The following ZFHX3 variants were observed in gnomAD, a reference collection of about 807,000 sequenced individuals.
ZFHX3 encodes the protein zinc finger homeobox protein 3.
Under a neutral mutation model 279.1 loss-of-function variants are expected in ZFHX3, and 42 were observed. That is an observed-to-expected ratio of 0.15 (90% CI 0.12 to 0.19). The LOEUF is 0.19. ZFHX3 is among the 10% of genes least tolerant of loss of function. The pLI, the probability that ZFHX3 is intolerant of heterozygous loss-of-function variation, is 1.00. For synonymous variants in ZFHX3, 2,293 were observed against 1,957.8 expected (o/e 1.17, Z -4.52); for missense variants, 4,981 against 4,754.0 (o/e 1.05, Z -1.40).
intron 5 of ZFHX3, among the ~76,000 whole-genome samples, chr16:72,829,338 G>T (rs1162545125): frequency 1.3e-5 from 2 of 152,022 alleles, no homozygotes; most frequent in Non-Finnish European, 2.9e-5. Flanking sequence ...AAGAATCAGG[G>T]GTGACCCTGA....
chr16:73,434,339 A>G (rs2017961195), intron 3 of ZFHX3, among the ~76,000 whole-genome samples: 1 of 152,208 alleles, frequency 6.6e-6, no homozygotes, highest in Non-Finnish European at 1.5e-5. Flanking sequence ...GTGTTCCTCT[A>G]AGGAAACCAA....
At chr16:72,941,804 T>C (rs1960422021) in intron 3 of ZFHX3, among the ~76,000 whole-genome samples, 1 of 152,234 alleles carries the variant, frequency 6.6e-6, no homozygotes, top group African/African-American at 2.4e-5. Flanking sequence ...GTCGCCAGTA[T>C]TTCTATGAGT....
At chr16:73,716,897 A>G (rs1213951561) in intron 1 of ZFHX3, among the ~76,000 whole-genome samples, 1 of 151,948 alleles carries the variant, frequency 6.6e-6, no homozygotes, top group East Asian at 1.9e-4. Flanking sequence ...AAGCCCCGTC[A>G]TTATTTTTTT....
chr16:73,717,818 T>C (rs992980466), intron 1 of ZFHX3, among the ~76,000 whole-genome samples: 6 of 152,148 alleles, frequency 3.9e-5, no homozygotes, highest in African/African-American at 1.4e-4. Flanking sequence ...TTACGAGACA[T>C]TGTTCCAGAG....
At chr16:73,484,379 G>T (rs959694054) in intron 2 of ZFHX3, among the ~76,000 whole-genome samples, 1 of 152,124 alleles carries the variant, frequency 6.6e-6, no homozygotes, top group African/African-American at 2.4e-5. Flanking sequence ...CAGTCATGAT[G>T]CATTAAGCCC....
intron 1 of ZFHX3, among the ~76,000 whole-genome samples, chr16:73,851,005 T>TC (rs1032453871): frequency 2.6e-5 from 4 of 152,146 alleles, no homozygotes; most frequent in African/African-American, 4.8e-5. Context: ...ATCCTTTTTT[T>TC]CCCCCTCCTT....
intron 1 of ZFHX3, among the ~76,000 whole-genome samples, chr16:73,720,329 A>G (rs923879301): frequency 2.2e-4 from 33 of 152,222 alleles, no homozygotes; most frequent in African/African-American, 8.0e-4. Flanking sequence ...GGAATTGATC[A>G]TAAACATCAC....
At chr16:73,067,656 A>T (rs1221317676) in intron 8 of ZFHX3, among the ~76,000 whole-genome samples, 1 of 152,210 alleles carries the variant, frequency 6.6e-6, no homozygotes, top group Non-Finnish European at 1.5e-5. Flanking sequence ...ACAGGTGGAC[A>T]CTTTGGAGAA....
At chr16:73,819,067 C>G (rs1423391981) in intron 1 of ZFHX3, among the ~76,000 whole-genome samples, 4 of 152,054 alleles carry the variant, frequency 2.6e-5, no homozygotes, top group African/African-American at 9.7e-5. Context: ...GTGCTCCTTA[C>G]GTGGGGCACT....
intron 1 of ZFHX3, among the ~76,000 whole-genome samples, chr16:73,874,805 A>T (rs950929179): frequency 2.6e-5 from 4 of 152,214 alleles, no homozygotes; most frequent in African/African-American, 9.6e-5. Flanking sequence ...TAGATTAAAG[A>T]ATTTTTATAA....
At chr16:73,073,207 T>G (rs1483630683) in intron 8 of ZFHX3, among the ~76,000 whole-genome samples, 2 of 151,916 alleles carry the variant, frequency 1.3e-5, no homozygotes, top group South Asian at 4.2e-4. Flanking sequence ...TCCTATTACT[T>G]AAGACACATT....
chr16:73,172,990 TTTTTTGTTTTTTTTTTTG>T (rs1182221794), intron 5 of ZFHX3, among the ~76,000 whole-genome samples: 2,760 of 57,992 alleles, frequency 0.048, 103 homozygotes, highest in African/African-American at 0.1. Flanking sequence ...ATGGGACTGT[TTTTTTGTTTTTTTTTTTG>T]TTTTTTTTTT....
Position 73,179,715 on chromosome 16 carries a change from G to T in ZFHX3, c.-1103-35884C>A, listed in dbSNP as rs1011291538. Among the ~76,000 whole-genome samples the T allele has an allele frequency of 5.3e-5, 8 of 152,148 alleles. No homozygotes were observed. The East Asian group carries it at 1.2e-3, about 22-fold the overall frequency. ...TGGGGCTAGAGGGAATGAATAACAG[G>T]GTCCTTTATACGCATCTTGGATTTC... On this transcript the variant is annotated intron_variant, in intron 5 of 17. Coordinates refer to the ZFHX3 transcript ENST00000641206.
At chr16:73,513,095 T>C (rs969593920) in intron 2 of ZFHX3, among the ~76,000 whole-genome samples, 2 of 152,212 alleles carry the variant, frequency 1.3e-5, no homozygotes, top group South Asian at 2.1e-4. Flanking sequence ...ATTACTGTAA[T>C]GGCTGGCAAG....
At chr16:73,160,628 C>T (rs1967207074) in intron 5 of ZFHX3, among the ~76,000 whole-genome samples, 1 of 152,148 alleles carries the variant, frequency 6.6e-6, no homozygotes, top group South Asian at 2.1e-4. Flanking sequence ...ATCATAATCA[C>T]ATTCCTTAAT....
At chr16:73,250,243 T>C (rs889337886) in intron 5 of ZFHX3, among the ~76,000 whole-genome samples, 1 of 152,222 alleles carries the variant, frequency 6.6e-6, no homozygotes, top group Non-Finnish European at 1.5e-5. Context: ...TATCATGATA[T>C]ACCAAGCATG....
At chr16:73,713,194 T>C (rs1332014675) in intron 1 of ZFHX3, among the ~76,000 whole-genome samples, 1 of 152,238 alleles carries the variant, frequency 6.6e-6, no homozygotes, top group Non-Finnish European at 1.5e-5. Flanking sequence ...AAAGAACTGA[T>C]TTCCTACTTT....
At chr16:73,056,748 G>A (rs1314392927) in intron 1 of ZFHX3, among the ~76,000 whole-genome samples, 3 of 152,264 alleles carry the variant, frequency 2.0e-5, no homozygotes, top group East Asian at 3.9e-4. Flanking sequence ...GTAGGTACAC[G>A]ATTGCAGCAC....
intron 5 of ZFHX3, among the ~76,000 whole-genome samples, chr16:72,828,713 T>A (rs1189596906): frequency 6.6e-6 from 1 of 152,170 alleles, no homozygotes; most frequent in African/African-American, 2.4e-5. Flanking sequence ...AGTAATTTTT[T>A]ATTTTTATTT....
Sources: gnomAD v4.1 joint callset for allele counts (sites outside exome capture counted in the v4.1 genomes callset) on GRCh38, gnomAD v4.1.1 for gene constraint, MANE v1.5 for transcripts, NCBI Gene and HGNC (gene_info 2026-07-23, HGNC 2026-07-21) for gene names.